Variants in SGCZ observed in about 807,000 individuals in gnomAD.
SGCZ encodes zeta-sarcoglycan.
SGCZ carries 40 observed loss-of-function variants against 41.3 expected under a neutral mutation model. The observed-to-expected ratio is 0.97, with a 90% confidence interval of 0.75 to 1.26. The LOEUF (loss-of-function observed/expected upper bound fraction) is 1.26. Ranked by LOEUF, SGCZ falls within the 50% of genes most tolerant of loss-of-function variation. The pLI is 0.00. For synonymous variants in SGCZ, 206 were observed against 137.5 expected, an observed-to-expected ratio of 1.50 and a Z score of -3.49; for missense variants, 552 against 369.8, an observed-to-expected ratio of 1.49 and a Z score of -4.04.
At chr8:14,216,734 T>TA (rs143589285) in intron 4 of SGCZ, among the ~76,000 whole-genome samples, 7,218 of 151,566 alleles carry the variant, frequency 0.048, 218 homozygotes, top group Middle Eastern at 0.096. Flanking sequence ...GAAGAAATCT[T>TA]AAAAAAAACA....
chr8:14,174,481 G>T (rs1360587466), intron 4 of SGCZ, among the ~76,000 whole-genome samples: 1 of 151,986 alleles, frequency 6.6e-6, no homozygotes, highest in African/African-American at 2.4e-5. Flanking sequence ...GAGACTGAAT[G>T]AAACACACAA....
At chr8:14,412,302 G>C (rs1007066777) in intron 2 of SGCZ, among the ~76,000 whole-genome samples, 1 of 152,032 alleles carries the variant, frequency 6.6e-6, no homozygotes, top group African/African-American at 2.4e-5. Flanking sequence ...AAGGGTTACA[G>C]AAAATATGTG....
chr8:14,608,721 C>T (rs886976568), intron 1 of SGCZ, among the ~76,000 whole-genome samples: 1 of 152,024 alleles, frequency 6.6e-6, no homozygotes, highest in African/African-American at 2.4e-5. Flanking sequence ...GGGGGATCCA[C>T]CCCCACGGCC....
At chr8:14,156,863 C>G (rs1041193760) in intron 5 of SGCZ, among the ~76,000 whole-genome samples, 1 of 152,116 alleles carries the variant, frequency 6.6e-6, no homozygotes, top group Non-Finnish European at 1.5e-5. Context: ...GCTGTCATCC[C>G]CTATGATAAA....
At chr8:14,891,271 T>C (rs1210903752) in intron 1 of SGCZ, among the ~76,000 whole-genome samples, 1 of 152,184 alleles carries the variant, frequency 6.6e-6, no homozygotes, top group Non-Finnish European at 1.5e-5. Flanking sequence ...TTTGCCATTC[T>C]CAGTACTGTG....
chr8:15,046,103 G>C (rs1804291667), intron 1 of SGCZ, among the ~76,000 whole-genome samples: 1 of 151,984 alleles, frequency 6.6e-6, no homozygotes, highest in African/African-American at 2.4e-5. Context: ...CTTGCCTTCA[G>C]ACTGATTTCC....
chr8:14,446,130 G>C (rs912529736), intron 2 of SGCZ, among the ~76,000 whole-genome samples: 10 of 152,282 alleles, frequency 6.6e-5, no homozygotes, highest in African/African-American at 2.4e-4. Context: ...AAGTCAGGGA[G>C]AAAAAGCACT....
intron 1 of SGCZ, among the ~76,000 whole-genome samples, chr8:14,731,541 A>T (rs1810239534): frequency 6.6e-6 from 1 of 152,186 alleles, no homozygotes; most frequent in South Asian, 2.1e-4. Context: ...TAATAAAAAT[A>T]ATTTTTAAAA....
chr8:14,559,889 C>A (rs1804156141), intron 1 of SGCZ, among the ~76,000 whole-genome samples: 2 of 151,946 alleles, frequency 1.3e-5, no homozygotes, highest in Non-Finnish European at 2.9e-5. Flanking sequence ...GACCATAAAG[C>A]TTTATTTCTT....
chr8:14,549,643 G>T (rs952932960), intron 2 of SGCZ, among the ~76,000 whole-genome samples: 2 of 152,136 alleles, frequency 1.3e-5, no homozygotes, highest in Admixed American at 1.3e-4. Context: ...GAAATGCGGG[G>T]ACGTTGATAG....
intron 1 of SGCZ, among the ~76,000 whole-genome samples, chr8:14,673,083 C>G (rs895727603): frequency 1.3e-5 from 2 of 152,164 alleles, no homozygotes; most frequent in Non-Finnish European, 2.9e-5. Context: ...CCTCAAATGT[C>G]CTGGTGTACT....
chr8:14,821,815 C>T (rs1233887648), intron 1 of SGCZ, among the ~76,000 whole-genome samples: 2 of 151,832 alleles, frequency 1.3e-5, no homozygotes, highest in Non-Finnish European at 2.9e-5. Context: ...TGGCAAATAA[C>T]ACAATAAAGG....
intron 3 of SGCZ, among the ~76,000 whole-genome samples, chr8:14,243,428 G>A (rs986617521): frequency 6.6e-6 from 1 of 152,058 alleles, no homozygotes; most frequent in Non-Finnish European, 1.5e-5. Flanking sequence ...ATAACCACTC[G>A]ATTTTTCATA....
chr8:15,235,686 A>G (rs1802097782), intron 1 of SGCZ, among the ~76,000 whole-genome samples: 1 of 152,220 alleles, frequency 6.6e-6, no homozygotes, highest in Non-Finnish European at 1.5e-5. Flanking sequence ...ATGTATTGGC[A>G]CTGGGGTTCA....
chr8:14,570,312 T>C (rs941000653), intron 1 of SGCZ, among the ~76,000 whole-genome samples: 20 of 152,186 alleles, frequency 1.3e-4, no homozygotes, highest in Non-Finnish European at 2.6e-4. Context: ...TCATTTCTCC[T>C]GAATCTTTGA....
intron 5 of SGCZ, among the ~76,000 whole-genome samples, chr8:14,133,990 T>A (rs769610987): frequency 5.9e-5 from 9 of 152,204 alleles, no homozygotes; most frequent in Non-Finnish European, 1.0e-4. Flanking sequence ...TATTTCAAAT[T>A]GATCCACCAG....
chr8:14,480,995 A>G (rs566333366), intron 2 of SGCZ, among the ~76,000 whole-genome samples: 132 of 152,186 alleles, frequency 8.7e-4, no homozygotes, highest in African/African-American at 3.1e-3. Flanking sequence ...TTCACAGTTT[A>G]TATTTATCAA....
chr8:14,637,082 T>C (rs1049946626), intron 1 of SGCZ, among the ~76,000 whole-genome samples: 1 of 151,636 alleles, frequency 6.6e-6, no homozygotes, highest in African/African-American at 2.4e-5. Flanking sequence ...CGTGTTTCAC[T>C]CTCTCCACCT....
chr8:14,917,752 C>T (rs1799480605), intron 1 of SGCZ, among the ~76,000 whole-genome samples: 1 of 151,944 alleles, frequency 6.6e-6, no homozygotes, highest in African/African-American at 2.4e-5. Context: ...ATTGTGTATG[C>T]TTTCTGTCTT....
Sources: gnomAD v4.1 joint callset for allele counts (sites outside exome capture counted in the v4.1 genomes callset) on GRCh38, gnomAD v4.1.1 for gene constraint, MANE v1.5 for transcripts, NCBI Gene and HGNC (gene_info 2026-07-23, HGNC 2026-07-21) for gene names.